Variants in GTPBP8 observed in about 807,000 individuals in gnomAD.
The protein encoded by GTPBP8 is GTP-binding protein 8.
In GTPBP8, 21 loss-of-function variants were observed where a neutral mutation model predicts 27.3. The observed-to-expected ratio is 0.77, with a 90% CI of 0.55 to 1.11. The LOEUF (loss-of-function observed/expected upper bound fraction) is 1.11, where lower values mean the gene tolerates loss of function less well. Ranked by LOEUF, GTPBP8 falls within the 50% of genes least tolerant of loss-of-function variation. The probability of loss-of-function intolerance (pLI) is 0.00; values close to 1 mark genes in which losing one functional copy is unlikely to be tolerated. For missense variants in GTPBP8, 380 were observed against 350.8 expected (o/e 1.08, Z -0.67); for synonymous variants, 147 against 135.3 (o/e 1.09, Z -0.60).
intron 1 of GTPBP8, chr3:112,992,067 A>G (rs1304472353): frequency 6.6e-6 from 1 of 152,668 alleles, no homozygotes; most frequent in Non-Finnish European, 1.5e-5. Flanking sequence ...GTGGAACTAT[A>G]GTCAGGATTC....
At chr3:112,994,404 CAAGAGTGAAACTCTGTCTCAAAAA>C (rs1483351323) in intron 2 of GTPBP8, among the ~76,000 whole-genome samples, 1 of 141,154 alleles carries the variant, frequency 7.1e-6, no homozygotes, top group African/African-American at 2.7e-5. Flanking sequence ...GCCTGGACAA[CAAGAGTGAAACTCTGTCTCAAAAA>C]AAAAAAAAAA....
In GTPBP8 at chr3:112,993,113, T is replaced by TC; in HGVS notation, c.426dup (p.Lys143GlnfsTer29). On this transcript the variant is annotated frameshift_variant, in exon 2 of 6. Transcript: ENST00000383678. LOFTEE classifies it high-confidence loss of function. Reference sequence around the variant, plus strand: ...GGCCCCTGAGGTTGAAGTCAGAGTCTCCAAAAAACCAGTATGTTGAAGTTT... The same window carrying TC: ...GGCCCCTGAGGTTGAAGTCAGAGTCTCCCAAAAAACCAGTATGTTGAAGTTT... 6.3e-7 allele frequency: 1 copy of TC among 1,583,070 alleles called. No individual in the cohort carries two copies. Among genetic ancestry groups the TC allele is most frequent in the Non-Finnish European group, 8.7e-7 (1 of 1,153,620 alleles).
intron 2 of GTPBP8, among the ~76,000 whole-genome samples, chr3:112,994,421 C>T (rs1395958385): frequency 6.4e-5 from 9 of 140,246 alleles, no homozygotes; most frequent in African/African-American, 2.5e-4. Context: ...GAAACTCTGT[C>T]TCAAAAAAAA....
Position 112,995,212 on chromosome 3 carries a change from A to G in GTPBP8, c.513A>G (p.Arg171=). 1.9e-6 allele frequency: 3 copies of G among 1,609,166 alleles called. No homozygotes were observed. The highest frequency in any genetic ancestry group is 2.6e-6 in the Non-Finnish European group (3 of 1,176,252). The stretch of plus-strand genomic sequence containing the variant: ...TGGACATGCCAGGTTATGGCTTTAG[A>G]GCACCTGAAGATTTTGTTGACATGG... The part of the protein sequence containing the change: ...TVVDMPGYGF[R]APEDFVDMVE... The change falls in exon 3 of 6, where the codon AGA becomes AGG. Residue 171 remains arginine (R), a synonymous_variant. Coordinates refer to ENST00000383678, the MANE Select transcript of GTPBP8 (RefSeq NM_014170.4).
At chr3:112,998,554 C>T (rs997236426) in intron 4 of GTPBP8, among the ~76,000 whole-genome samples, 1 of 152,030 alleles carries the variant, frequency 6.6e-6, no homozygotes, top group African/African-American at 2.4e-5. Flanking sequence ...GCATCCCTTC[C>T]CCCAGGGTAT....
intron 3 of GTPBP8, among the ~76,000 whole-genome samples, chr3:112,996,470 CAAAA>C (rs918961537): frequency 6.9e-6 from 1 of 145,176 alleles, no homozygotes. Context: ...TCTAAAAAAA[CAAAA>C]AAAAAAATTT....
chr3:112,998,578 C>G (rs1462111711), intron 4 of GTPBP8, among the ~76,000 whole-genome samples: 2 of 151,980 alleles, frequency 1.3e-5, no homozygotes, highest in African/African-American at 4.8e-5. Context: ...GTGGGACCCT[C>G]TCTGGAATGA....
rs771156338 is a variant in GTPBP8, at chr3:112,991,344, C to A, written c.336+9C>A. The A allele has an allele frequency of 6.2e-7, 1 of 1,611,328 alleles. No homozygotes were observed. Among genetic ancestry groups the A allele is most frequent in the African/African-American group, 1.3e-5 (1 of 74,912 alleles). On this transcript the variant is annotated intron_variant, in intron 1 of 5. Coordinates refer to ENST00000383678, the MANE Select transcript of GTPBP8 (RefSeq NM_014170.4). ...ACCTTCCGCGGCCAGAGGTGAGAGG[C>A]GATTCTCACGGTTCACCTGCGCGCC...
At chr3:112,993,402 A>G (rs965742121) in intron 2 of GTPBP8, among the ~76,000 whole-genome samples, 2 of 152,218 alleles carry the variant, frequency 1.3e-5, no homozygotes, top group African/African-American at 2.4e-5. Context: ...TTGTCATTCT[A>G]TATTTCCTCC....
intron 4 of GTPBP8, 29 bp downstream of exon 4, chr3:112,997,020 A>T: frequency 1.0e-6 from 1 of 991,450 alleles, no homozygotes; most frequent in Non-Finnish European, 1.6e-6. Context: ...TCATGGTTGC[A>T]ATTAGAAATA....
chr3:113,001,944 G>A lies in GTPBP8; in HGVS notation c.*1025G>A, dbSNP rs191971475. On this transcript the variant is annotated 3_prime_UTR_variant, in exon 6 of 6. Transcript: ENST00000383678. ...TTAAAAGGTTATAGCTGTATTGCTG[G>A]ATAACAAATTAAAGCTATAAACCAA... is the stretch of plus-strand genomic sequence containing the variant. 2 of 152,198 alleles carry A rather than the reference G, an allele frequency of 1.3e-5. No individual in the cohort carries two copies. Among genetic ancestry groups the A allele is most frequent in the Non-Finnish European group, 2.9e-5 (2 of 68,004 alleles). The allele number at this position is 152,198 out of a possible 1,614,324, so 9.4% of individuals were successfully genotyped here. A position where few individuals can be genotyped will look rare whatever the true frequency, so the allele number is the denominator to read the frequency against.
rs574441166 is a variant in GTPBP8, at chr3:112,995,757, G to A, written c.566+492G>A. ...TCACTGTGTTGGCCAGGCTGGTCTC[G>A]AACTCCTGACCTCAGGTGATCCACC... On this transcript the variant is annotated intron_variant, in intron 3 of 5. Coordinates refer to ENST00000383678, the MANE Select transcript of GTPBP8 (RefSeq NM_014170.4). 1.6e-4 allele frequency among the ~76,000 whole-genome samples: 25 copies of A among 152,120 alleles called. 1 individual carries two copies. The East Asian group carries it at 4.2e-3, about 26-fold the overall frequency.
chr3:112,992,802 G>C (rs761559117), intron 1 of GTPBP8, among the ~76,000 whole-genome samples: 3 of 152,088 alleles, frequency 2.0e-5, no homozygotes, highest in Non-Finnish European at 2.9e-5. Flanking sequence ...GTATAATTTT[G>C]GGTTAGTTGT....
chr3:112,991,309 C>CTT lies in GTPBP8; in HGVS notation c.310_311insTT (p.His104LeufsTer14). 6.2e-7 allele frequency: 1 copy of CTT among 1,613,730 alleles called. No individual in the cohort carries two copies. The highest frequency in any genetic ancestry group is 8.5e-7 in the Non-Finnish European group (1 of 1,180,040). ...CGTCAGCTCCGCCGTCCGTATCGACCACGCCCCGGACCTTCCGCGGCCAGA... is the reference window on the plus strand; with the variant it reads ...CGTCAGCTCCGCCGTCCGTATCGACCTTACGCCCCGGACCTTCCGCGGCCAGA... On this transcript the variant is annotated frameshift_variant, in exon 1 of 6. Coordinates refer to ENST00000383678, the MANE Select transcript of GTPBP8 (RefSeq NM_014170.4). LOFTEE classifies it high-confidence loss of function.
chr3:112,994,238 A>G (rs1365555173), intron 2 of GTPBP8, among the ~76,000 whole-genome samples: 2 of 152,138 alleles, frequency 1.3e-5, no homozygotes, highest in African/African-American at 4.8e-5. Context: ...AGCCTGACCA[A>G]CATGGAGAAA....
Position 112,991,174 on chromosome 3 carries a change from G to A in GTPBP8, c.175G>A (p.Ala59Thr). 3.1e-6 allele frequency: 5 copies of A among 1,614,138 alleles called. No homozygotes were observed. The highest frequency in any genetic ancestry group is 3.4e-6 in the Non-Finnish European group (4 of 1,180,012). The stretch of plus-strand genomic sequence containing the variant: ...GCTGCAGGAAGTAGAGCGGTTCCTC[G>A]CCCCCTACGGGAGGCAAGACCTTCA... The part of the protein sequence containing the change: ...YPLQEVERFL[A>T]PYGRQDLHLR... The change falls in exon 1 of 6, where the codon GCC becomes ACC. Residue 59 changes from alanine (A) to threonine (T), a missense_variant. By Grantham distance (58) the Ala-to-Thr change is moderately conservative. Transcript: ENST00000383678.
chr3:112,991,437 G>T (rs1284028674), intron 1 of GTPBP8, 102 bp downstream of exon 1: 7 of 1,007,538 alleles, frequency 6.9e-6, no homozygotes, highest in Admixed American at 3.8e-5. Context: ...GTATTTTCTA[G>T]CTTTATGTTG....
intron 5 of GTPBP8, 70 bp downstream of exon 5, chr3:112,999,634 T>C (rs1576168777): frequency 2.9e-6 from 2 of 684,898 alleles, no homozygotes; most frequent in East Asian, 5.2e-5. Flanking sequence ...GTTTTTTTTT[T>C]ATTTCGATAG....
chr3:112,991,334 A>G lies in GTPBP8; in HGVS notation c.335A>G (p.Glu112Gly), dbSNP rs1487907400. 1 of 1,613,104 alleles carries G rather than the reference A, an allele frequency of 6.2e-7. No individual in the cohort carries two copies. ...IDHAPDLPRP[E>G]VCFIGRSNVG... ...CACGCCCCGGACCTTCCGCGGCCAG[A>G]GGTGAGAGGCGATTCTCACGGTTCA... is the stretch of plus-strand genomic sequence containing the variant. Residue 112 changes from glutamate to glycine, a missense_variant and splice_region_variant, in exon 1 of 6, where the codon GAG becomes GGG. Physicochemically the swap from Glu to Gly is moderately conservative, Grantham distance 98. Transcript: ENST00000383678.
Sources: gnomAD v4.1 joint callset for allele counts (sites outside exome capture counted in the v4.1 genomes callset) on GRCh38, gnomAD v4.1.1 for gene constraint, MANE v1.5 for transcripts, NCBI Gene and HGNC (gene_info 2026-07-23, HGNC 2026-07-21) for gene names.